The following GALNTL6 variants were observed in gnomAD, a reference collection of about 807,000 sequenced individuals.
The protein encoded by GALNTL6 is polypeptide N-acetylgalactosaminyltransferase like 6, also known as polypeptide N-acetylgalactosaminyltransferase-like 6.
Under a neutral mutation model 73.7 loss-of-function variants are expected in GALNTL6, and 46 were observed. The observed-to-expected ratio is 0.62, with a 90% CI of 0.49 to 0.80. The LOEUF (loss-of-function observed/expected upper bound fraction) is 0.80, where lower values mean the gene tolerates loss of function less well. Among genes scored for constraint, GALNTL6 ranks in the 30% least tolerant of loss-of-function variants. GALNTL6 has a pLI of 0.00. For missense variants in GALNTL6, 604 were observed against 755.0 expected, an observed-to-expected ratio of 0.80 and a Z score of 2.34; for synonymous variants, 259 against 263.7, an observed-to-expected ratio of 0.98 and a Z score of 0.17.
At chr4:172,388,006 C>A (rs1315545989) in intron 5 of GALNTL6, among the ~76,000 whole-genome samples, 1 of 152,116 alleles carries the variant, frequency 6.6e-6, no homozygotes, top group Non-Finnish European at 1.5e-5. Context: ...TCATACCTTT[C>A]ATCACAAAGT....
At chr4:171,890,344 G>A (rs771138026) in intron 2 of GALNTL6, among the ~76,000 whole-genome samples, 6 of 151,898 alleles carry the variant, frequency 4.0e-5, no homozygotes, top group Non-Finnish European at 8.8e-5. Flanking sequence ...TCCTTCATTT[G>A]TTTCTTTTAA....
chr4:172,161,976 A>G (rs550080365), intron 2 of GALNTL6, among the ~76,000 whole-genome samples: 2 of 152,194 alleles, frequency 1.3e-5, no homozygotes, highest in African/African-American at 4.8e-5. Flanking sequence ...GTGAAGTGGG[A>G]AAACAGGGCA....
chr4:172,772,121 A>G (rs1463051664), intron 5 of GALNTL6, among the ~76,000 whole-genome samples: 1 of 152,176 alleles, frequency 6.6e-6, no homozygotes, highest in Non-Finnish European at 1.5e-5. Context: ...AGATCTCATG[A>G]GACTTATTCA....
chr4:172,120,457 T>C (rs575480723), intron 2 of GALNTL6, among the ~76,000 whole-genome samples: 83 of 152,272 alleles, frequency 5.5e-4, no homozygotes, highest in African/African-American at 2.0e-3. Context: ...TTTATCCCTT[T>C]TTTTTCTCAT....
intron 12 of GALNTL6, among the ~76,000 whole-genome samples, chr4:173,027,080 C>T (rs72708774): frequency 0.022 from 3,341 of 152,190 alleles, 68 homozygotes; most frequent in Non-Finnish European, 0.031. Flanking sequence ...CTCCACCTCC[C>T]GGGTTCAAGC....
intron 3 of GALNTL6, among the ~76,000 whole-genome samples, chr4:172,239,118 A>G (rs1433171515): frequency 6.6e-6 from 1 of 152,142 alleles, no homozygotes; most frequent in Non-Finnish European, 1.5e-5. Context: ...GTCTTATAGA[A>G]TGAGTTAGGG....
intron 2 of GALNTL6, among the ~76,000 whole-genome samples, chr4:171,859,543 T>C (rs73867181): frequency 0.011 from 1,631 of 152,268 alleles, 40 homozygotes; most frequent in African/African-American, 0.037. Flanking sequence ...AAATCGGTTA[T>C]ACTCATGGTT....
intron 2 of GALNTL6, among the ~76,000 whole-genome samples, chr4:172,146,408 A>G (rs1733929239): frequency 6.6e-6 from 1 of 152,206 alleles, no homozygotes; most frequent in Admixed American, 6.5e-5. Context: ...ATCACCTGTA[A>G]ACTTTATGTC....
At chr4:172,442,756 A>C (rs774452330) in intron 5 of GALNTL6, among the ~76,000 whole-genome samples, 16 of 152,286 alleles carry the variant, frequency 1.1e-4, no homozygotes, top group Non-Finnish European at 1.9e-4. Context: ...GTTACTTGGA[A>C]TGCAAATATC....
intron 2 of GALNTL6, among the ~76,000 whole-genome samples, chr4:171,966,375 G>T (rs1227266560): frequency 1.3e-5 from 2 of 152,182 alleles, no homozygotes; most frequent in African/African-American, 4.8e-5. Context: ...CTTGGTGAAT[G>T]AGAGTGGGGA....
At chr4:172,501,094 C>A (rs1407624056) in intron 5 of GALNTL6, among the ~76,000 whole-genome samples, 2 of 152,194 alleles carry the variant, frequency 1.3e-5, no homozygotes, top group Non-Finnish European at 2.9e-5. Flanking sequence ...GCACACACTT[C>A]CACAAATGAG....
At chr4:172,262,701 T>C (rs1489354459) in intron 3 of GALNTL6, among the ~76,000 whole-genome samples, 1 of 151,460 alleles carries the variant, frequency 6.6e-6, no homozygotes, top group African/African-American at 2.4e-5. Context: ...TTGTGTGTAT[T>C]GTTTTATAGA....
chr4:172,771,121 C>G (rs1408245396), intron 5 of GALNTL6, among the ~76,000 whole-genome samples: 1 of 152,160 alleles, frequency 6.6e-6, no homozygotes, highest in African/African-American at 2.4e-5. Context: ...ACTAAAATGG[C>G]TTGGAAGGTT....
intron 2 of GALNTL6, among the ~76,000 whole-genome samples, chr4:171,819,261 C>G (rs550448229): frequency 2.5e-4 from 38 of 152,164 alleles, no homozygotes; most frequent in African/African-American, 8.9e-4. Context: ...TTCAGAATCA[C>G]TACAGGGTGG....
intron 2 of GALNTL6, among the ~76,000 whole-genome samples, chr4:171,945,271 T>A (rs1191853059): frequency 1.3e-5 from 2 of 152,096 alleles, no homozygotes; most frequent in Non-Finnish European, 2.9e-5. Context: ...AGAATTTGCA[T>A]TAAAGATGAC....
At chr4:172,351,226 T>C (rs887706733) in intron 5 of GALNTL6, among the ~76,000 whole-genome samples, 3 of 151,722 alleles carry the variant, frequency 2.0e-5, no homozygotes, top group East Asian at 1.9e-4. Flanking sequence ...TATCTATCTA[T>C]CTACCTCTTT....
chr4:172,610,497 T>C (rs1230178810), intron 5 of GALNTL6, among the ~76,000 whole-genome samples: 2 of 152,152 alleles, frequency 1.3e-5, no homozygotes, highest in African/African-American at 4.8e-5. Context: ...AATTGTATAA[T>C]TTTGAGTGAC....
At chr4:172,600,994 G>A (rs1738034243) in intron 5 of GALNTL6, among the ~76,000 whole-genome samples, 2 of 151,544 alleles carry the variant, frequency 1.3e-5, no homozygotes, top group South Asian at 2.1e-4. Flanking sequence ...AAAATCAATA[G>A]GAACAAAACC....
At chr4:172,805,792 C>T (rs1266699958) in intron 5 of GALNTL6, among the ~76,000 whole-genome samples, 2 of 152,034 alleles carry the variant, frequency 1.3e-5, no homozygotes, top group African/African-American at 4.8e-5. Flanking sequence ...GAACCCTTGA[C>T]TAAAATATGG....
Sources: allele counts gnomAD v4.1 joint callset (sites outside exome capture counted in the v4.1 genomes callset), GRCh38; gene constraint gnomAD v4.1.1; transcripts MANE v1.5; gene names NCBI Gene and HGNC (gene_info 2026-07-23, HGNC 2026-07-21).